Variants in DMD observed in about 807,000 individuals in gnomAD.
The protein encoded by DMD is dystrophin.
In DMD, 63 loss-of-function variants were observed where a neutral mutation model predicts 330.1. The ratio of observed to expected loss-of-function variants is 0.19; its 90% confidence interval spans 0.16 to 0.24. DMD has a LOEUF of 0.24. Ranked by LOEUF, DMD falls within the 10% of genes least tolerant of loss-of-function variation. DMD has a pLI of 1.00. For synonymous variants in DMD, 1,223 were observed against 959.8 expected (o/e 1.27, Z -5.07); for missense variants, 3,344 against 2,684.1 (o/e 1.25, Z -5.43).
intron 44 of DMD, among the ~76,000 whole-genome samples, chrX:32,063,570 T>G (rs1444540725): frequency 2.7e-5 from 3 of 111,391 alleles, no homozygotes; most frequent in Admixed American, 9.6e-5. Context: ...AATGCAAACC[T>G]AGGATTCCAC....
intron 55 of DMD, among the ~76,000 whole-genome samples, chrX:31,600,816 TC>T (rs1158327294): frequency 9.2e-6 from 1 of 108,262 alleles, no homozygotes; most frequent in African/African-American, 3.4e-5. Flanking sequence ...TTTTTTTTTT[TC>T]TTTTTTTCTG....
At chrX:33,069,732 A>G (rs1294933746) in intron 1 of DMD, among the ~76,000 whole-genome samples, 7 of 111,812 alleles carry the variant, frequency 6.3e-5, no homozygotes, top group Non-Finnish European at 1.1e-4. Flanking sequence ...TAGATTTTTT[A>G]CCATCATTTG....
chrX:32,011,903 A>T (rs1603620272), intron 44 of DMD, among the ~76,000 whole-genome samples: 1 of 111,474 alleles, frequency 9.0e-6, no homozygotes, highest in South Asian at 3.7e-4. Flanking sequence ...ATTGTTTTTT[A>T]ACCATTTTTT....
intron 44 of DMD, among the ~76,000 whole-genome samples, chrX:32,074,454 C>A (rs1371609854): frequency 8.9e-6 from 1 of 112,113 alleles, no homozygotes; most frequent in East Asian, 2.8e-4. Flanking sequence ...TGTGACAACT[C>A]GCATTTGCTG....
chrX:32,628,505 A>G (rs2058521896), intron 11 of DMD, among the ~76,000 whole-genome samples: 1 of 106,715 alleles, frequency 9.4e-6, no homozygotes, highest in East Asian at 2.9e-4. Flanking sequence ...ATTTTGTTGT[A>G]CTTTAATGTA....
intron 44 of DMD, among the ~76,000 whole-genome samples, chrX:32,017,998 G>A (rs1022895772): frequency 1.8e-5 from 2 of 110,196 alleles, no homozygotes; most frequent in Admixed American, 9.7e-5. Flanking sequence ...ACAATTTATC[G>A]AGTACCTGTT....
At chrX:31,314,578 G>C (rs1234452683) in intron 62 of DMD, among the ~76,000 whole-genome samples, 1 of 111,480 alleles carries the variant, frequency 9.0e-6, no homozygotes, top group Non-Finnish European at 1.9e-5. Flanking sequence ...AATGCCGACA[G>C]TGAGCTAAGT....
intron 30 of DMD, among the ~76,000 whole-genome samples, chrX:32,408,340 A>T (rs2098127497): frequency 9.0e-6 from 1 of 111,663 alleles, no homozygotes; most frequent in African/African-American, 3.3e-5. Context: ...TAACACACTA[A>T]GGAAGTGAGC....
At chrX:32,514,108 G>T (rs1044009150) in intron 18 of DMD, among the ~76,000 whole-genome samples, 1 of 110,115 alleles carries the variant, frequency 9.1e-6, no homozygotes, top group African/African-American at 3.3e-5. Context: ...GTAGATTTTT[G>T]ACAATCTGGA....
Position 32,380,680 on chromosome X carries a change from C to T in DMD, c.4675G>A (p.Val1559Ile). The T allele has an allele frequency of 1.7e-6, 2 of 1,202,341 alleles. No individual in the cohort carries two copies. The highest frequency in any genetic ancestry group is 2.2e-6 in the Non-Finnish European group (2 of 890,847). The change falls in exon 34 of 79, where the codon GTA becomes ATA. Residue 1559 changes from valine (V) to isoleucine (I), a missense_variant and splice_region_variant. Val to Ile is a conservative substitution (Grantham distance 29). Coordinates refer to ENST00000357033, the MANE Select transcript of DMD (RefSeq NM_004006.3). ...KLHYNELGAK[V>I]TERKQQLEKC... ...TCCAACTGTTGCTTTCTTTCTGTTA[C>T]CTGAAAAGAATTATAATGAAATGTA...
rs376943117 is a variant in DMD at position 32,551,460 on chromosome X, A to G, written c.1993-6126T>C. Reference sequence around the variant, plus strand: ...CACCCTTTCATGTTAAAAATCCTCGACAAACTAGGCACTGAAGGAACATAT... The same window carrying G: ...CACCCTTTCATGTTAAAAATCCTCGGCAAACTAGGCACTGAAGGAACATAT... On this transcript the variant is annotated intron_variant, in intron 16 of 78. Transcript: ENST00000357033. Among the ~76,000 whole-genome samples, 7 of 111,872 alleles carry G rather than the reference A, an allele frequency of 6.3e-5. No individual in the cohort carries two copies. The East Asian group carries it at 1.4e-3, about 23-fold the overall frequency.
At chrX:32,503,459 C>T (rs1186358855) in intron 18 of DMD, among the ~76,000 whole-genome samples, 1 of 112,467 alleles carries the variant, frequency 8.9e-6, no homozygotes, top group East Asian at 2.8e-4. Flanking sequence ...TTACTAAGCA[C>T]ATTAAATTAT....
intron 44 of DMD, among the ~76,000 whole-genome samples, chrX:32,074,576 A>G (rs952015900): frequency 4.5e-5 from 5 of 111,254 alleles, no homozygotes; most frequent in African/African-American, 1.3e-4. Context: ...ACGATATCCA[A>G]ATTTCTCTGT....
chrX:32,911,086 T>TTA (rs1335597123), intron 2 of DMD, among the ~76,000 whole-genome samples: 1 of 112,411 alleles, frequency 8.9e-6, no homozygotes, highest in Non-Finnish European at 1.9e-5. Context: ...GTCTATATAT[T>TTA]TATTAGATAG....
intron 55 of DMD, among the ~76,000 whole-genome samples, chrX:31,562,854 A>T (rs1411508516): frequency 1.8e-5 from 2 of 111,427 alleles, no homozygotes; most frequent in Non-Finnish European, 3.8e-5. Flanking sequence ...CGTCTTCCTC[A>T]TTCCAAGAAT....
rs760067672 is a variant in DMD at position 33,247,449 on chromosome X, AAT to A, written c.7+91808_7+91809del. On this transcript the variant is annotated intron_variant, in intron 1 of 17. Coordinates refer to the DMD transcript ENST00000288447. ...AATACTCTGTTAGTACAATTCCTAGAATATATTTAACTTCTGTACTCCATATG... is the reference window on the plus strand; with the variant it reads ...AATACTCTGTTAGTACAATTCCTAGAATATTTAACTTCTGTACTCCATATG... Among the ~76,000 whole-genome samples the A allele has an allele frequency of 8.9e-5, 10 of 112,049 alleles. No homozygotes were observed. The South Asian group carries it at 2.6e-3, about 29-fold the overall frequency.
At chrX:32,898,151 T>G (rs1055736985) in intron 2 of DMD, among the ~76,000 whole-genome samples, 3 of 111,991 alleles carry the variant, frequency 2.7e-5, no homozygotes, top group East Asian at 5.6e-4. Context: ...TCCCTTCCCT[T>G]ACTGCCACCC....
At chrX:32,432,080 C>T (rs1002843960) in intron 29 of DMD, among the ~76,000 whole-genome samples, 3 of 111,862 alleles carry the variant, frequency 2.7e-5, no homozygotes, top group African/African-American at 9.8e-5. Context: ...AGTTCCTCAC[C>T]TTACAAGAAT....
intron 60 of DMD, among the ~76,000 whole-genome samples, chrX:31,431,530 T>G (rs2064078381): frequency 9.0e-6 from 1 of 111,247 alleles, no homozygotes; most frequent in African/African-American, 3.3e-5. Context: ...CCCGAGTAGC[T>G]GAGATTACAG....
Sources: allele counts gnomAD v4.1 joint callset (sites outside exome capture counted in the v4.1 genomes callset), GRCh38; gene constraint gnomAD v4.1.1; transcripts MANE v1.5; gene names NCBI Gene and HGNC (gene_info 2026-07-23, HGNC 2026-07-21).